Variants in RTN2 observed in about 807,000 individuals in gnomAD.
RTN2 encodes reticulon-2.
Under a neutral mutation model 63.7 loss-of-function variants are expected in RTN2, and 36 were observed. That is an observed-to-expected ratio of 0.56 (90% CI 0.43 to 0.75). The LOEUF (loss-of-function observed/expected upper bound fraction) is 0.75, where lower values mean the gene tolerates loss of function less well. Among genes scored for constraint, RTN2 ranks in the 30% least tolerant of loss-of-function variants. RTN2 has a pLI of 0.00. For synonymous variants in RTN2, 312 were observed against 313.0 expected (o/e 1.00, Z 0.03); for missense variants, 673 against 705.1 (o/e 0.95, Z 0.52).
Position 45,494,519 on chromosome 19 carries a change from A to G in RTN2, c.559+7T>C, listed in dbSNP as rs753894861. ...TGGCTTTGGTCCCAGCACCTCGGACATCTCACCTTCCCCAGCTTCTCCTGT... is the reference window on the plus strand; with the variant it reads ...TGGCTTTGGTCCCAGCACCTCGGACGTCTCACCTTCCCCAGCTTCTCCTGT... On this transcript the variant is annotated splice_region_variant and intron_variant, in intron 3 of 10. Transcript: ENST00000245923. This position sits in a 1 kb window ranked among gnomAD's most constrained non-coding sequence, Gnocchi z 5.3. The G allele has an allele frequency of 2.5e-6, 4 of 1,612,080 alleles. No individual in the cohort carries two copies. In the South Asian group the frequency reaches 3.3e-5, roughly 13 times the overall value.
At chr19:45,486,468 T>G (rs948456919) in intron 9 of RTN2, among the ~76,000 whole-genome samples, 4 of 152,088 alleles carry the variant, frequency 2.6e-5, no homozygotes, top group Admixed American at 2.6e-4. Context: ...AGTCCCTGAG[T>G]GGATTGATTT....
chr19:45,489,564 G>A lies in RTN2; in HGVS notation c.1034-11C>T. On this transcript the variant is annotated splice_polypyrimidine_tract_variant and intron_variant, in intron 5 of 10. Coordinates refer to ENST00000245923, the MANE Select transcript of RTN2 (RefSeq NM_005619.5). ...ACAGCAGGTCCGCCACTGTGGAGGG[G>A]TGGGGGGCATCAGGGCTTGTACCTG... The A allele has an allele frequency of 1.3e-6, 2 of 1,580,938 alleles. No individual in the cohort carries two copies. Among genetic ancestry groups the A allele is most frequent in the Non-Finnish European group, 1.7e-6 (2 of 1,163,316 alleles).
chr19:45,489,618 C>A, intron 5 of RTN2, 65 bp from the exon 6 acceptor site: 1 of 1,171,156 alleles, frequency 8.5e-7, no homozygotes, highest in Non-Finnish European at 1.2e-6. Context: ...CCTCCCTTTC[C>A]CTGTCCTACA....
intron 5 of RTN2, among the ~76,000 whole-genome samples, chr19:45,489,907 G>A (rs577897003): frequency 6.6e-6 from 1 of 152,096 alleles, no homozygotes; most frequent in Non-Finnish European, 1.5e-5. Context: ...GGCTAGTCTC[G>A]AACTCCTGGC....
chr19:45,489,953 C>G (rs1968118418), intron 5 of RTN2, among the ~76,000 whole-genome samples: 2 of 152,060 alleles, frequency 1.3e-5, no homozygotes, highest in African/African-American at 4.8e-5. Context: ...CTCCAAAGTG[C>G]TGGGATTATA....
chr19:45,496,251 G>T (rs887390345), intron 1 of RTN2, among the ~76,000 whole-genome samples: 2 of 152,164 alleles, frequency 1.3e-5, no homozygotes, highest in Non-Finnish European at 2.9e-5. Context: ...TCTTCCCCAG[G>T]ATTACCATTA....
At chr19:45,489,281 T>C (rs1299207689) in intron 6 of RTN2, 65 bp downstream of exon 6, 2 of 1,460,318 alleles carry the variant, frequency 1.4e-6, no homozygotes, top group East Asian at 5.0e-5. Context: ...GGTGCCTGAT[T>C]TGAGGTCGTG....
chr19:45,486,998 G>T (rs781775481), intron 9 of RTN2, among the ~76,000 whole-genome samples: 11 of 134,212 alleles, frequency 8.2e-5, no homozygotes, highest in Non-Finnish European at 1.1e-4. Context: ...GCCTCCCAAA[G>T]CTGGGATCAC....
At chr19:45,493,455 G>T in intron 4 of RTN2, 77 bp from the exon 5 acceptor site, 1 of 1,052,838 alleles carries the variant, frequency 9.5e-7, no homozygotes. Context: ...GAAAAAGAGG[G>T]TTTTTGTTTG....
At position 45,493,232 on chromosome 19, in the gene RTN2, G is replaced by T. The variant is rs1263838611; in HGVS notation, c.961C>A (p.Leu321Met). 2.0e-5 allele frequency: 33 copies of T among 1,613,760 alleles called. No individual in the cohort carries two copies. Among genetic ancestry groups the T allele is most frequent in the Non-Finnish European group, 2.8e-5 (33 of 1,180,028 alleles). Residue 321 changes from leucine to methionine, a missense_variant, in exon 5 of 11, where the codon CTG becomes ATG. By Grantham distance (15) the Leu-to-Met change is conservative. Transcript: ENST00000245923. ...CTTCTCGGGGATTTTGCCCACTTCAGTAGAACCCGGAGGACAGGAGTAGGG... is the reference window on the plus strand; with the variant it reads ...CTTCTCGGGGATTTTGCCCACTTCATTAGAACCCGGAGGACAGGAGTAGGG... Reference protein sequence around the residue: ...TPPTPVLRVLLKWAKSPRSSG... With the variant: ...TPPTPVLRVLMKWAKSPRSSG...
In RTN2 at chr19:45,494,962, C is replaced by G; in HGVS notation, c.123G>C (p.Arg41=). ...DSDFRELHTA[R]EFSEEDEEET... ...CCTCCTCGTCCTCCTCTGAGAATTC[C>G]CGGGCTGTGTGCAGCTCTCGAAAAT... The change falls in exon 3 of 11, where the codon CGG becomes CGC. Residue 41 remains arginine (R), a synonymous_variant. Transcript: ENST00000245923. This position sits in a 1 kb window ranked among gnomAD's most constrained non-coding sequence, Gnocchi z 5.3. The G allele has an allele frequency of 1.2e-6, 2 of 1,613,856 alleles. No homozygotes were observed. Among genetic ancestry groups the G allele is most frequent in the Non-Finnish European group, 1.7e-6 (2 of 1,179,846 alleles).
intron 5 of RTN2, among the ~76,000 whole-genome samples, chr19:45,490,724 G>A (rs1189667140): frequency 6.6e-6 from 1 of 151,566 alleles, no homozygotes; most frequent in Non-Finnish European, 1.5e-5. Context: ...TTACAGGAGG[G>A]CTCCACCACA....
chr19:45,491,182 G>A (rs1461759344), intron 5 of RTN2, among the ~76,000 whole-genome samples: 4 of 150,534 alleles, frequency 2.7e-5, no homozygotes, highest in Admixed American at 6.6e-5. Context: ...GAGCCACCAC[G>A]CCCGGCCACA....
intron 9 of RTN2, 21 bp downstream of exon 9, chr19:45,488,447 GACA>G: frequency 6.2e-7 from 1 of 1,610,050 alleles, no homozygotes; most frequent in African/African-American, 1.3e-5. Flanking sequence ...CTGGGGTGCT[GACA>G]ACTGAGGGTG....
intron 9 of RTN2, among the ~76,000 whole-genome samples, chr19:45,487,713 G>A (rs146721670): frequency 4.7e-3 from 705 of 150,942 alleles, no homozygotes; most frequent in Non-Finnish European, 7.7e-3. Flanking sequence ...AGGCCAACGC[G>A]GGCAGATCAC....
Position 45,488,525 on chromosome 19 carries a change from T to G in RTN2, c.1451-8A>C. The G allele has an allele frequency of 6.2e-7, 1 of 1,613,964 alleles. No homozygotes were observed. Among genetic ancestry groups the G allele is most frequent in the African/African-American group, 1.3e-5 (1 of 75,008 alleles). ...TGAATAGACCAATCACTCCTGTGGG[T>G]ACAGAGATGGGGGCGTCAGGGTGTT... On this transcript the variant is annotated splice_polypyrimidine_tract_variant and splice_region_variant and intron_variant, in intron 8 of 10. Transcript: ENST00000245923.
Position 45,494,166 on chromosome 19 carries a change from C to CTAGA in RTN2, c.810_813dup (p.Gly272SerfsTer74). On this transcript the variant is annotated frameshift_variant and splice_region_variant, in exon 4 of 11. Transcript: ENST00000245923. LOFTEE classifies it high-confidence loss of function. This position sits in a 1 kb window ranked among gnomAD's most constrained non-coding sequence, Gnocchi z 5.3. ...CAGCATCTTCATACACGTTGCTTAC[C>CTAGA]TAGAAGGCGTGGCTCCACCGTGAAT... is the stretch of plus-strand genomic sequence containing the variant. 6.2e-7 allele frequency: 1 copy of CTAGA among 1,601,116 alleles called. No homozygotes were observed. Among genetic ancestry groups the CTAGA allele is most frequent in the South Asian group, 1.1e-5 (1 of 91,062 alleles).
intron 5 of RTN2, among the ~76,000 whole-genome samples, chr19:45,490,323 G>A (rs763977020): frequency 9.2e-5 from 14 of 152,122 alleles, no homozygotes; most frequent in Non-Finnish European, 1.8e-4. Flanking sequence ...TTAAAGAGCT[G>A]CATAGTATTC....
chr19:45,488,402 G>A, intron 9 of RTN2, 69 bp downstream of exon 9: 2 of 1,543,466 alleles, frequency 1.3e-6, no homozygotes, highest in Non-Finnish European at 1.8e-6. Flanking sequence ...TGGGACCCCG[G>A]TTCTGGAAGG....
Sources: gnomAD v4.1 joint callset for allele counts (sites outside exome capture counted in the v4.1 genomes callset) on GRCh38, gnomAD v4.1.1 for gene constraint, Gnocchi (gnomAD v3.1) non-coding constraint, MANE v1.5 for transcripts, NCBI Gene and HGNC (gene_info 2026-07-23, HGNC 2026-07-21) for gene names.